The following STOX2 variants were observed in gnomAD, a reference collection of about 807,000 sequenced individuals.
STOX2 encodes storkhead box 2.
Under a neutral mutation model 60.9 loss-of-function variants are expected in STOX2, and 28 were observed. That is an observed-to-expected ratio of 0.46 (90% CI 0.34 to 0.63). The LOEUF is 0.63. Ranked by LOEUF, STOX2 falls within the 30% of genes least tolerant of loss-of-function variation. The probability of loss-of-function intolerance (pLI) is 0.01; values close to 1 mark genes in which losing one functional copy is unlikely to be tolerated. For synonymous variants in STOX2, 472 were observed against 463.9 expected, an observed-to-expected ratio of 1.02 and a Z score of -0.22; for missense variants, 1,024 against 1,187.7, an observed-to-expected ratio of 0.86 and a Z score of 2.03.
chr4:184,016,377 C>CAAAACA lies in STOX2; in HGVS notation c.2586-695_2586-690dup, dbSNP rs887065188. The CAAAACA allele has an allele frequency of 5.9e-5, 9 of 151,966 alleles. 1 individual carries two copies. Among genetic ancestry groups the CAAAACA allele is most frequent in the Admixed American group, 2.0e-4 (3 of 15,216 alleles). The allele number at this position is 151,966 out of a possible 1,614,324, so 9.4% of individuals were successfully genotyped here. ...CCTTGACTCCAAAAACAAAACAAAA[C>CAAAACA]AAAACAAAAACAAAAACAAAAAATC... On this transcript the variant is annotated intron_variant, in intron 3 of 3. Transcript: ENST00000308497.
At chr4:183,930,113 C>T (rs1272380953) in intron 1 of STOX2, among the ~76,000 whole-genome samples, 1 of 151,640 alleles carries the variant, frequency 6.6e-6, no homozygotes, top group East Asian at 1.9e-4. Flanking sequence ...ATCCACCCGC[C>T]TCGGCCTCCC....
At chr4:183,989,175 T>G (rs1345209011) in intron 1 of STOX2, among the ~76,000 whole-genome samples, 1 of 47,700 alleles carries the variant, frequency 2.1e-5, no homozygotes, top group African/African-American at 9.3e-5. Flanking sequence ...TCTGGTTTTT[T>G]TTTTTTTTTT....
intron 1 of STOX2, among the ~76,000 whole-genome samples, chr4:183,946,833 GTC>G (rs1307324966): frequency 6.6e-6 from 1 of 152,006 alleles, no homozygotes; most frequent in Non-Finnish European, 1.5e-5. Flanking sequence ...CACCATGTTG[GTC>G]AGGCTGGTCT....
chr4:183,849,951 TC>T (rs1322254798), intron 1 of STOX2, among the ~76,000 whole-genome samples: 2 of 152,148 alleles, frequency 1.3e-5, no homozygotes, highest in Admixed American at 6.5e-5. Flanking sequence ...TTTTCTTTTT[TC>T]TTTTCTTTTT....
chr4:183,820,708 T>C (rs575595027), intron 1 of STOX2, among the ~76,000 whole-genome samples: 2 of 152,294 alleles, frequency 1.3e-5, no homozygotes, highest in East Asian at 1.9e-4. Context: ...AGTATGCAGA[T>C]TGAATAACAG....
chr4:184,004,012 T>A (rs1336263391), intron 2 of STOX2, among the ~76,000 whole-genome samples: 1 of 152,024 alleles, frequency 6.6e-6, no homozygotes, highest in East Asian at 1.9e-4. Context: ...TTTTAGAAAA[T>A]CTAACCCTTT....
At chr4:183,850,652 C>T (rs1740096002) in intron 1 of STOX2, among the ~76,000 whole-genome samples, 1 of 152,116 alleles carries the variant, frequency 6.6e-6, no homozygotes, top group Non-Finnish European at 1.5e-5. Flanking sequence ...TTGCTTGAAC[C>T]CAGGAGGTGG....
At chr4:183,843,865 G>T (rs929423141) in intron 1 of STOX2, among the ~76,000 whole-genome samples, 2 of 151,970 alleles carry the variant, frequency 1.3e-5, no homozygotes, top group African/African-American at 4.8e-5. Context: ...TATAATAATT[G>T]TAATTATAGT....
chr4:183,821,546 C>T lies in STOX2; in HGVS notation c.364+23491C>T, dbSNP rs756897323. Among the ~76,000 whole-genome samples, 2 of 152,250 alleles carry T rather than the reference C, an allele frequency of 1.3e-5. No homozygotes were observed. The highest frequency in any genetic ancestry group is 2.9e-5 in the Non-Finnish European group (2 of 68,026). ...TTGCTGCGAAGGTCATTGCTCACAGCTCCCCATCTTGCTGTGTCCTTTGTT... is the reference window on the plus strand; with the variant it reads ...TTGCTGCGAAGGTCATTGCTCACAGTTCCCCATCTTGCTGTGTCCTTTGTT... On this transcript the variant is annotated intron_variant, in intron 1 of 2. Coordinates refer to the STOX2 transcript ENST00000513034. This position sits in a 1 kb window ranked among gnomAD's most constrained non-coding sequence, Gnocchi z 4.2.
chr4:183,932,346 T>G lies in STOX2; in HGVS notation c.166+25390T>G, dbSNP rs1248638906. Among the ~76,000 whole-genome samples, 4 of 24,464 alleles carry G rather than the reference T, an allele frequency of 1.6e-4. 1 individual carries two copies. The highest frequency in any genetic ancestry group is 4.0e-4 in the African/African-American group (4 of 9,912). The allele number at this position is 24,464 out of a possible 152,430, so 16.0% of individuals were successfully genotyped here. A position where few individuals can be genotyped will look rare whatever the true frequency, so the allele number is the denominator to read the frequency against. ...TGTATGTATACATACAGTATATGTA[T>G]GTATACATACAGTATATGTATGTAT... On this transcript the variant is annotated intron_variant, in intron 1 of 3. Transcript: ENST00000308497.
chr4:183,851,309 G>C (rs1401390118), intron 1 of STOX2, among the ~76,000 whole-genome samples: 5 of 75,192 alleles, frequency 6.6e-5, no homozygotes, highest in Admixed American at 1.4e-4. Flanking sequence ...ATGAGGGAAA[G>C]GATGAGGGAA....
At chr4:183,841,550 C>A (rs1039406218) in intron 1 of STOX2, among the ~76,000 whole-genome samples, 2 of 152,092 alleles carry the variant, frequency 1.3e-5, no homozygotes, top group African/African-American at 2.4e-5. Flanking sequence ...TGGTAGCGTG[C>A]GATTTCTTCC....
intron 1 of STOX2, among the ~76,000 whole-genome samples, chr4:183,832,940 C>G (rs59143976): frequency 6.6e-6 from 1 of 152,232 alleles, no homozygotes; most frequent in Non-Finnish European, 1.5e-5. Context: ...AGACCAAACA[C>G]TACAGATTCC....
intron 1 of STOX2, among the ~76,000 whole-genome samples, chr4:183,961,063 G>C (rs773536570): frequency 3.9e-5 from 6 of 152,114 alleles, no homozygotes; most frequent in Non-Finnish European, 8.8e-5. Flanking sequence ...TTTGTCGGTT[G>C]GTTAGAGAAT....
intron 1 of STOX2, among the ~76,000 whole-genome samples, chr4:183,892,064 A>G (rs946929142): frequency 1.3e-5 from 2 of 152,210 alleles, no homozygotes; most frequent in African/African-American, 4.8e-5. Context: ...CAGAGCGTTC[A>G]TGTTTAACCC....
chr4:183,866,283 C>T (rs1740565532), intron 1 of STOX2, among the ~76,000 whole-genome samples: 1 of 152,112 alleles, frequency 6.6e-6, no homozygotes, highest in African/African-American at 2.4e-5. Context: ...GCCAAAAACC[C>T]TAATTGCTGG....
chr4:184,000,730 G>T (rs1733551757), intron 1 of STOX2, among the ~76,000 whole-genome samples: 1 of 150,890 alleles, frequency 6.6e-6, no homozygotes, highest in East Asian at 2.0e-4. Context: ...CCTCCCAGAG[G>T]TGTTATCCTT....
rs546798168 is a variant in STOX2 at position 183,891,278 on chromosome 4, A to G, written c.364+93223A>G. Among the ~76,000 whole-genome samples, 46 of 139,246 alleles carry G rather than the reference A, an allele frequency of 3.3e-4. No individual in the cohort carries two copies. In the East Asian group the frequency reaches 9.4e-3, roughly 29 times the overall value. The allele number at this position is 139,246 out of a possible 152,430, so 91.4% of individuals were successfully genotyped here. On this transcript the variant is annotated intron_variant, in intron 1 of 2. Transcript: ENST00000513034. ...GATAAAGAAACTGGTGTGTGTGTGT[A>G]TGTGTGTATATGATGGAATATATAT...
intron 1 of STOX2, among the ~76,000 whole-genome samples, chr4:183,949,183 T>C (rs1742993128): frequency 6.6e-6 from 1 of 151,970 alleles, no homozygotes. Flanking sequence ...AGGCACTAAA[T>C]GAAGAGGAAG....
Sources: gnomAD v4.1 joint callset for allele counts (sites outside exome capture counted in the v4.1 genomes callset) on GRCh38, gnomAD v4.1.1 for gene constraint, Gnocchi (gnomAD v3.1) non-coding constraint, MANE v1.5 for transcripts, NCBI Gene and HGNC (gene_info 2026-07-23, HGNC 2026-07-21) for gene names.